ARHGEF4: variants seen among roughly 807,000 people sequenced by gnomAD.
ARHGEF4 encodes the protein APC-stimulated guanine nucleotide exchange factor 1.
A neutral mutation model predicts 162.0 loss-of-function variants in ARHGEF4; 119 were observed. The observed-to-expected ratio is 0.73, with a 90% CI of 0.63 to 0.86. The LOEUF is 0.86. Ranked by LOEUF, ARHGEF4 falls within the 40% of genes least tolerant of loss-of-function variation. The probability of loss-of-function intolerance (pLI) is 0.00; values close to 1 mark genes in which losing one functional copy is unlikely to be tolerated. For missense variants in ARHGEF4, 2,488 were observed against 2,456.0 expected (o/e 1.01, Z -0.28); for synonymous variants, 1,014 against 979.9 (o/e 1.03, Z -0.65).
chr2:130,916,064 G>C lies in ARHGEF4; in HGVS notation c.2118G>C (p.Arg706=), dbSNP rs1283284226. 6.5e-7 allele frequency: 1 copy of C among 1,550,270 alleles called. No individual in the cohort carries two copies. The highest frequency in any genetic ancestry group is 8.7e-7 in the Non-Finnish European group (1 of 1,146,894). Residue 706 remains arginine, a synonymous_variant, in exon 2 of 14, where the codon CGG becomes CGC. Transcript: ENST00000409359. ...IQGAGDGALQ[R]VAQAAELGRV... is the part of the protein sequence containing the mutation. ...GAGCTGGCGATGGGGCTCTTCAGCGGGTGGCCCAGGCCGCAGAGCTTGGGA... is the reference window on the plus strand; with the variant it reads ...GAGCTGGCGATGGGGCTCTTCAGCGCGTGGCCCAGGCCGCAGAGCTTGGGA...
intron 1 of ARHGEF4, among the ~76,000 whole-genome samples, chr2:130,845,993 G>A (rs955756118): frequency 1.4e-4 from 22 of 152,272 alleles, no homozygotes; most frequent in Admixed American, 8.5e-4. Flanking sequence ...ACTGTGCACC[G>A]GTCGAAACCC....
intron 5 of ARHGEF4, chr2:131,035,299 CG>C: frequency 8.4e-7 from 1 of 1,194,374 alleles, no homozygotes; most frequent in Admixed American, 4.4e-5. Context: ...GTGAGTGGCG[CG>C]GGCGACGGCA....
chr2:130,980,544 CAG>C (rs1239049873), intron 4 of ARHGEF4, among the ~76,000 whole-genome samples: 3 of 151,994 alleles, frequency 2.0e-5, no homozygotes, highest in African/African-American at 2.4e-5. Flanking sequence ...TACAACGAAA[CAG>C]GGAGAAAGTA....
intron 9 of ARHGEF4, 176 bp from the exon 10 acceptor site, chr2:131,041,639 C>T (rs1165085537): frequency 8.8e-7 from 1 of 1,134,374 alleles, no homozygotes; most frequent in Non-Finnish European, 1.2e-6. Context: ...GGATATTAAG[C>T]TCTGCTCTGT....
At position 130,915,705 on chromosome 2, in the gene ARHGEF4, T is replaced by C; in HGVS notation, c.1759T>C (p.Ser587Pro). The change falls in exon 2 of 14, where the codon TCA becomes CCA. Residue 587 changes from serine (S) to proline (P), a missense_variant. Ser to Pro is a moderately conservative substitution (Grantham distance 74). Around this residue, in one of 6 missense-constraint regions of ARHGEF4, gnomAD observed 1,642 missense variants for 1,481.5 expected, o/e 1.11. Transcript: ENST00000409359. ...CAGGGAACAGGCTTTGCAAGGTCTT[T>C]CAGAATTCAAGGCAGCCACGGTGTC... ...NYREQALQGL[S>P]EFKAATVSHC... The C allele has an allele frequency of 1.9e-6, 3 of 1,550,122 alleles. No individual in the cohort carries two copies. Among genetic ancestry groups the C allele is most frequent in the Non-Finnish European group, 2.6e-6 (3 of 1,146,820 alleles).
chr2:130,924,668 C>T (rs867954116), intron 2 of ARHGEF4, among the ~76,000 whole-genome samples: 37 of 152,130 alleles, frequency 2.4e-4, no homozygotes, highest in African/African-American at 8.7e-4. Context: ...CAGGCTCCAG[C>T]GTCTGCTGAA....
chr2:130,844,379 G>A (rs60683784), intron 1 of ARHGEF4, among the ~76,000 whole-genome samples: 1,955 of 152,186 alleles, frequency 0.013, 48 homozygotes, highest in African/African-American at 0.044. Context: ...GAGGCGGGGC[G>A]CCCTGCCTGG....
chr2:131,031,416 T>G (rs1171761900), intron 5 of ARHGEF4, among the ~76,000 whole-genome samples: 2 of 152,152 alleles, frequency 1.3e-5, no homozygotes, highest in African/African-American at 4.8e-5. Flanking sequence ...ATAAAGGGTG[T>G]GGGTGTGTGT....
At chr2:130,926,789 C>A (rs191264645) in intron 2 of ARHGEF4, among the ~76,000 whole-genome samples, 1 of 124,960 alleles carries the variant, frequency 8.0e-6, no homozygotes, top group Admixed American at 1.0e-4. Context: ...GGAAAATAAA[C>A]CTGAGAGGGA....
intron 4 of ARHGEF4, among the ~76,000 whole-genome samples, chr2:130,976,321 G>A (rs192486590): frequency 5.4e-5 from 8 of 146,858 alleles, no homozygotes; most frequent in Admixed American, 5.0e-4. Flanking sequence ...AAACTCATTC[G>A]GCCCCAGAAT....
chr2:130,971,709 CTT>C (rs1487949139), intron 4 of ARHGEF4, among the ~76,000 whole-genome samples: 1 of 149,494 alleles, frequency 6.7e-6, no homozygotes, highest in Non-Finnish European at 1.5e-5. Context: ...AGAATATCCT[CTT>C]GAGTTTTGAT....
intron 1 of ARHGEF4, among the ~76,000 whole-genome samples, chr2:130,865,231 A>C (rs1271919975): frequency 6.6e-6 from 1 of 152,248 alleles, no homozygotes; most frequent in Admixed American, 6.5e-5. Context: ...ACAGGGATTT[A>C]GAGAACTGTG....
intron 4 of ARHGEF4, among the ~76,000 whole-genome samples, chr2:131,010,245 A>C (rs143991397): frequency 1.3e-5 from 2 of 152,258 alleles, no homozygotes; most frequent in African/African-American, 4.8e-5. Context: ...CTGTGACTGC[A>C]GGTTTCTCTC....
intron 1 of ARHGEF4, among the ~76,000 whole-genome samples, chr2:130,888,135 G>C (rs78762444): frequency 6.6e-6 from 1 of 151,974 alleles, no homozygotes; most frequent in African/African-American, 2.4e-5. Context: ...CTTTTTACTT[G>C]GTTTGGCTTT....
At chr2:130,859,740 A>C (rs374967582) in intron 1 of ARHGEF4, among the ~76,000 whole-genome samples, 16 of 428 alleles carry the variant, frequency 0.037, no homozygotes, top group East Asian at 0.12. Context: ...AAAAGACTAC[A>C]AATGTGTACA....
chr2:130,909,447 T>A (rs184035617), intron 1 of ARHGEF4, among the ~76,000 whole-genome samples: 13 of 152,244 alleles, frequency 8.5e-5, no homozygotes, highest in Non-Finnish European at 1.5e-4. Context: ...GTTCCATTTA[T>A]ATGAAATTCT....
chr2:130,852,946 A>G (rs1235591759), intron 1 of ARHGEF4, among the ~76,000 whole-genome samples: 1 of 152,204 alleles, frequency 6.6e-6, no homozygotes, highest in Admixed American at 6.5e-5. Context: ...CTGGAGGCTC[A>G]GAGCAGACTG....
chr2:130,856,768 C>T lies in ARHGEF4; in HGVS notation c.39+19776C>T, dbSNP rs539303834. Among the ~76,000 whole-genome samples the T allele has an allele frequency of 3.9e-5, 6 of 152,056 alleles. No homozygotes were observed. The East Asian group carries it at 9.7e-4, about 24-fold the overall frequency. On this transcript the variant is annotated intron_variant, in intron 1 of 13. Transcript: ENST00000409359. ...TGTATACATATGTAACTAACCTGCA[C>T]GTTGTGCACATGTACCCTAAAACTT...
At position 130,916,835 on chromosome 2, in the gene ARHGEF4, C is replaced by T. The variant is rs1268197596; in HGVS notation, c.2889C>T (p.Ser963=). ...TTCTGAAAAGCAAAGATGCCGGAAG[C>T]CCCAAAAAGCCCACCCTAGTGAGTC... ...RAFLKSKDAG[S]PKKPTLVSLP... The change falls in exon 2 of 14, where the codon AGC becomes AGT. Residue 963 remains serine (S), a synonymous_variant. Coordinates refer to ENST00000409359, the MANE Select transcript of ARHGEF4 (RefSeq NM_001367493.1). 3.2e-6 allele frequency: 5 copies of T among 1,550,270 alleles called. No individual in the cohort carries two copies. Among genetic ancestry groups the T allele is most frequent in the Admixed American group, 2.0e-5 (1 of 50,978 alleles).
Sources: allele counts gnomAD v4.1 joint callset (sites outside exome capture counted in the v4.1 genomes callset), GRCh38; gene constraint gnomAD v4.1.1; regional missense constraint gnomAD v4.1.1; transcripts MANE v1.5; gene names NCBI Gene and HGNC (gene_info 2026-07-23, HGNC 2026-07-21).